The following NT5DC3 variants were observed in gnomAD, a reference collection of about 807,000 sequenced individuals.
NT5DC3 encodes 5'-nucleotidase domain-containing protein 3.
In NT5DC3, 42 loss-of-function variants were observed where a neutral mutation model predicts 67.8. That is an observed-to-expected ratio of 0.62 (90% CI 0.48 to 0.80). The LOEUF (loss-of-function observed/expected upper bound fraction) is 0.80, where lower values mean the gene tolerates loss of function less well. Among genes scored for constraint, NT5DC3 ranks in the 30% least tolerant of loss-of-function variants. NT5DC3 has a pLI of 0.00. For missense variants in NT5DC3, 570 were observed against 696.4 expected (o/e 0.82, Z 2.04); for synonymous variants, 237 against 255.6 (o/e 0.93, Z 0.69).
chr12:103,821,089 T>C (rs570319077), intron 1 of NT5DC3, among the ~76,000 whole-genome samples: 35 of 152,188 alleles, frequency 2.3e-4, no homozygotes, highest in Non-Finnish European at 3.4e-4. Flanking sequence ...TCCCTTCTCC[T>C]ACCGTGCCTA....
chr12:103,755,153 C>A, the NT5DC3 span: 62 of 1,068,810 alleles, frequency 5.8e-5, no homozygotes, highest in Middle Eastern at 6.3e-4. Flanking sequence ...CATCTAATGA[C>A]CACCTACTGT....
chr12:103,793,918 G>C lies in NT5DC3; in HGVS notation c.814+19C>G, dbSNP rs1886182978. 6.3e-7 allele frequency: 1 copy of C among 1,592,242 alleles called. No individual in the cohort carries two copies. Among genetic ancestry groups the C allele is most frequent in the Admixed American group, 1.7e-5 (1 of 59,724 alleles). ...ACAGAAAGGCTGAAACTCTCTTCGT[G>C]ATACTGCTGAGCACATACCAATGTC... is the stretch of plus-strand genomic sequence containing the variant. On this transcript the variant is annotated intron_variant, in intron 7 of 13. Coordinates refer to ENST00000392876, the MANE Select transcript of NT5DC3 (RefSeq NM_001031701.3).
chr12:103,748,985 C>A, the NT5DC3 span: 1 of 1,613,836 alleles, frequency 6.2e-7, no homozygotes, highest in Non-Finnish European at 8.5e-7. Flanking sequence ...GCAAACAGGA[C>A]AACGGGGGCT....
intron 2 of NT5DC3, among the ~76,000 whole-genome samples, chr12:103,810,302 C>T (rs1208487786): frequency 1.3e-5 from 2 of 152,140 alleles, no homozygotes; most frequent in African/African-American, 4.8e-5. Context: ...CGTGATTGGC[C>T]CATTTCCAAC....
At chr12:103,821,608 T>C (rs1887493262) in intron 1 of NT5DC3, among the ~76,000 whole-genome samples, 1 of 152,216 alleles carries the variant, frequency 6.6e-6, no homozygotes, top group African/African-American at 2.4e-5. Context: ...AAGGTAGATT[T>C]AAGAGAACAT....
chr12:103,803,367 A>G (rs1284500043), intron 4 of NT5DC3, among the ~76,000 whole-genome samples: 1 of 152,244 alleles, frequency 6.6e-6, no homozygotes, highest in Non-Finnish European at 1.5e-5. Flanking sequence ...AAATGAATGA[A>G]CAACATTCAC....
At position 103,777,748 on chromosome 12, in the gene NT5DC3, C is replaced by T; in HGVS notation, c.*81G>A. On this transcript the variant is annotated 3_prime_UTR_variant, in exon 14 of 14. Transcript: ENST00000392876. ...GGCTTATCTGTATCTTTTCCAAAAG[C>T]AACACTCAGACCCACATGAAGTCAA... is the stretch of plus-strand genomic sequence containing the variant. The T allele has an allele frequency of 6.9e-7, 1 of 1,441,372 alleles. No homozygotes were observed. Among genetic ancestry groups the T allele is most frequent in the East Asian group, 2.3e-5 (1 of 43,780 alleles). 89.3% of individuals were successfully genotyped at this position (1,441,372 alleles called of 1,614,324 possible).
the NT5DC3 span, chr12:103,753,308 A>G: frequency 5.6e-6 from 9 of 1,614,112 alleles, no homozygotes; most frequent in African/African-American, 1.2e-4. Context: ...GTGCCAACGA[A>G]GCTGCGACCA....
At chr12:103,818,485 C>T (rs939570153) in intron 1 of NT5DC3, among the ~76,000 whole-genome samples, 1 of 150,360 alleles carries the variant, frequency 6.7e-6, no homozygotes, top group Non-Finnish European at 1.5e-5. Flanking sequence ...AAGCAATTCT[C>T]CTGCCTCTGC....
chr12:103,788,942 T>A, intron 9 of NT5DC3, 23 bp from the exon 10 acceptor site: 2 of 1,480,002 alleles, frequency 1.4e-6, no homozygotes, highest in Non-Finnish European at 1.9e-6. Context: ...ATGGGAAACA[T>A]TATGACATGG....
the NT5DC3 span, chr12:103,762,214 T>C: frequency 6.3e-7 from 1 of 1,597,930 alleles, no homozygotes; most frequent in East Asian, 2.2e-5. Flanking sequence ...CCACCAAGGG[T>C]TCCCCTTTTG....
At chr12:103,803,862 C>CA (rs947626117) in intron 4 of NT5DC3, among the ~76,000 whole-genome samples, 76 of 125,582 alleles carry the variant, frequency 6.1e-4, no homozygotes, top group Non-Finnish European at 8.6e-4. Flanking sequence ...CATTACCACC[C>CA]CCCCCCCAAA....
intron 9 of NT5DC3, among the ~76,000 whole-genome samples, chr12:103,790,535 A>G (rs1886001060): frequency 6.6e-6 from 1 of 152,024 alleles, no homozygotes; most frequent in Non-Finnish European, 1.5e-5. Flanking sequence ...TGCTGGGACT[A>G]CAGGTGTGAC....
At chr12:103,793,382 G>T in intron 8 of NT5DC3, 28 bp downstream of exon 8, 1 of 1,581,492 alleles carries the variant, frequency 6.3e-7, no homozygotes, top group Non-Finnish European at 8.7e-7. Context: ...TGTGCCAGAA[G>T]CTAGCAATGA....
chr12:103,785,751 T>TAAAAAAAAAAAA, intron 11 of NT5DC3: 3 of 363,510 alleles, frequency 8.3e-6, no homozygotes, highest in Non-Finnish European at 1.0e-5. Flanking sequence ...CCATGGTCTG[T>TAAAAAAAAAAAA]AAAAAAAAAA....
intron 1 of NT5DC3, among the ~76,000 whole-genome samples, chr12:103,821,419 G>C (rs1231199048): frequency 6.6e-6 from 1 of 152,176 alleles, no homozygotes; most frequent in Non-Finnish European, 1.5e-5. Flanking sequence ...TGTAACCCAG[G>C]CCTGGCCTAA....
chr12:103,796,238 C>T (rs1009759174), intron 6 of NT5DC3, among the ~76,000 whole-genome samples: 1 of 152,034 alleles, frequency 6.6e-6, no homozygotes, highest in Middle Eastern at 3.4e-3. Context: ...GCACCCTGGC[C>T]GGGCGTGGTG....
chr12:103,749,612 G>A, the NT5DC3 span, among the ~76,000 whole-genome samples: 3 of 150,958 alleles, frequency 2.0e-5, no homozygotes, highest in Admixed American at 6.6e-5. Flanking sequence ...GATGGATCAC[G>A]AGGTCAGGAG....
At chr12:103,758,077 T>G in the NT5DC3 span, 2 of 1,564,392 alleles carry the variant, frequency 1.3e-6, no homozygotes, top group Non-Finnish European at 8.7e-7. Flanking sequence ...CCATGAATAT[T>G]CACAGATGGG....
Sources: allele counts gnomAD v4.1 joint callset (sites outside exome capture counted in the v4.1 genomes callset), GRCh38; gene constraint gnomAD v4.1.1; transcripts MANE v1.5; gene names NCBI Gene and HGNC (gene_info 2026-07-23, HGNC 2026-07-21).